Variants in CPNE1 observed in about 807,000 individuals in gnomAD.
CPNE1 encodes the protein copine-1.
In CPNE1, 58 loss-of-function variants were observed where a neutral mutation model predicts 63.2. The observed-to-expected ratio is 0.92, with a 90% confidence interval of 0.74 to 1.14. CPNE1 has a LOEUF of 1.14. Ranked by LOEUF, CPNE1 falls within the 50% of genes most tolerant of loss-of-function variation. The probability of loss-of-function intolerance (pLI) is 0.00; values close to 1 mark genes in which losing one functional copy is unlikely to be tolerated. For synonymous variants in CPNE1, 237 were observed against 249.0 expected (o/e 0.95, Z 0.45); for missense variants, 672 against 661.7 (o/e 1.02, Z -0.17).
At chr20:35,645,335 C>T (rs1235421532) in intron 1 of CPNE1, among the ~76,000 whole-genome samples, 1 of 152,024 alleles carries the variant, frequency 6.6e-6, no homozygotes, top group Non-Finnish European at 1.5e-5. Context: ...AGGAATATTT[C>T]AACAACAGGA....
chr20:35,652,818 A>AGGGCCC, intron 1 of CPNE1: 1 of 1,602,570 alleles, frequency 6.2e-7, no homozygotes, highest in Non-Finnish European at 8.5e-7. Context: ...GGATTGGGCC[A>AGGGCCC]GGGCCGGGGC....
intron 1 of CPNE1, among the ~76,000 whole-genome samples, chr20:35,639,611 C>T (rs968640573): frequency 2.0e-5 from 3 of 152,324 alleles, no homozygotes; most frequent in South Asian, 4.1e-4. Flanking sequence ...GCTGGGATTA[C>T]AGGCATGAGC....
At chr20:35,644,138 C>T (rs1360260855) in intron 1 of CPNE1, among the ~76,000 whole-genome samples, 2 of 152,160 alleles carry the variant, frequency 1.3e-5, no homozygotes, top group Non-Finnish European at 2.9e-5. Flanking sequence ...GTATCCCCTG[C>T]CCGGCACAGA....
chr20:35,648,056 C>T (rs2146327623), intron 1 of CPNE1, among the ~76,000 whole-genome samples: 1 of 144,960 alleles, frequency 6.9e-6, no homozygotes, highest in South Asian at 2.3e-4. Flanking sequence ...CAGATACAGA[C>T]TCCATCTCAA....
intron 1 of CPNE1, among the ~76,000 whole-genome samples, chr20:35,646,701 T>C (rs1031424882): frequency 6.6e-6 from 1 of 152,258 alleles, no homozygotes; most frequent in Admixed American, 6.5e-5. Context: ...ATGGAGGTAA[T>C]GAACCATCAA....
chr20:35,663,024 CCAAT>C (rs2034318939), intron 1 of CPNE1, among the ~76,000 whole-genome samples: 2 of 152,180 alleles, frequency 1.3e-5, no homozygotes, highest in Non-Finnish European at 2.9e-5. Flanking sequence ...AAAAATCTGT[CCAAT>C]AATATATACT....
Position 35,630,890 on chromosome 20 carries a change from C to A in CPNE1, c.995+11G>T. On this transcript the variant is annotated intron_variant, in intron 11 of 15. Coordinates refer to ENST00000397443, the MANE Select transcript of CPNE1 (RefSeq NM_152925.3). ...AGGGAGCGGGTATAGCCCAGAGAAGCAGGTACTCACGAGTCATAGTCCTGA... is the reference window on the plus strand; with the variant it reads ...AGGGAGCGGGTATAGCCCAGAGAAGAAGGTACTCACGAGTCATAGTCCTGA... The A allele has an allele frequency of 1.2e-6, 2 of 1,602,922 alleles. No homozygotes were observed. Among genetic ancestry groups the A allele is most frequent in the Non-Finnish European group, 1.7e-6 (2 of 1,173,840 alleles).
At position 35,664,799 on chromosome 20, in the gene CPNE1, T is replaced by C. The variant is rs781239187; in HGVS notation, c.-40A>G. The C allele has an allele frequency of 6.6e-6, 1 of 152,358 alleles. No individual in the cohort carries two copies. The highest frequency in any genetic ancestry group is 1.5e-5 in the Non-Finnish European group (1 of 68,180). 9.4% of individuals were successfully genotyped at this position (152,358 alleles called of 1,614,324 possible). A position where few individuals can be genotyped will look rare whatever the true frequency, so the allele number is the denominator to read the frequency against. ...CGGCACCAGAACCCAGACCCCGAAT[T>C]ACCCCCCGCGCGAGTGCCTCCGCCC... On this transcript the variant is annotated 5_prime_UTR_variant, in exon 1 of 16. Transcript: ENST00000397443.
At chr20:35,663,696 C>A (rs1244911803) in intron 1 of CPNE1, among the ~76,000 whole-genome samples, 2 of 152,174 alleles carry the variant, frequency 1.3e-5, no homozygotes, top group African/African-American at 4.8e-5. Context: ...GTAACCCTCA[C>A]AAGAGCCCCT....
chr20:35,631,216 G>A, intron 9 of CPNE1, 43 bp from the exon 10 acceptor site: 1 of 1,613,244 alleles, frequency 6.2e-7, no homozygotes, highest in Non-Finnish European at 8.5e-7. Context: ...ATAGCAGTTG[G>A]TGTCATGGAG....
chr20:35,650,529 CTTAACA>C (rs1159933015), intron 1 of CPNE1: 1 of 152,504 alleles, frequency 6.6e-6, no homozygotes, highest in African/African-American at 2.4e-5. Context: ...GAAATGATTA[CTTAACA>C]TTAACTTAAA....
chr20:35,656,635 A>C (rs181349702), intron 1 of CPNE1, among the ~76,000 whole-genome samples: 8 of 152,314 alleles, frequency 5.3e-5, no homozygotes, highest in African/African-American at 1.9e-4. Flanking sequence ...CCCAGGTTCA[A>C]GTAATTCTCC....
chr20:35,652,867 A>G, intron 1 of CPNE1: 1 of 1,612,544 alleles, frequency 6.2e-7, no homozygotes, highest in Non-Finnish European at 8.5e-7. Context: ...TGGCCCACCC[A>G]AATGCCCAGG....
At chr20:35,661,115 AC>A (rs1397008979) in intron 1 of CPNE1, among the ~76,000 whole-genome samples, 3 of 152,144 alleles carry the variant, frequency 2.0e-5, no homozygotes, top group Non-Finnish European at 4.4e-5. Context: ...AGGAATACCC[AC>A]CCCACCCCAT....
intron 6 of CPNE1, 32 bp from the exon 7 acceptor site, chr20:35,631,809 T>G (rs367911146): frequency 7.5e-6 from 12 of 1,589,544 alleles, no homozygotes; most frequent in Non-Finnish European, 1.0e-5. Flanking sequence ...TCCAGTGAGC[T>G]CTGGCATGGC....
chr20:35,627,208 AAG>A, intron 14 of CPNE1, 70 bp downstream of exon 14: 5 of 1,320,742 alleles, frequency 3.8e-6, no homozygotes, highest in South Asian at 1.5e-5. Flanking sequence ...AAAAAAAAAA[AAG>A]TCCTTTGTTC....
intron 1 of CPNE1, among the ~76,000 whole-genome samples, chr20:35,641,254 T>G (rs2032788364): frequency 6.6e-6 from 1 of 152,242 alleles, no homozygotes; most frequent in African/African-American, 2.4e-5. Flanking sequence ...CATATATGGT[T>G]AAGTGAAATG....
intron 1 of CPNE1, among the ~76,000 whole-genome samples, chr20:35,661,575 G>T (rs891746275): frequency 2.0e-5 from 3 of 152,226 alleles, no homozygotes; most frequent in African/African-American, 7.2e-5. Flanking sequence ...CATATTATCA[G>T]GAATTAGTCC....
intron 1 of CPNE1, chr20:35,654,298 T>G: frequency 6.2e-7 from 1 of 1,614,202 alleles, no homozygotes; most frequent in Non-Finnish European, 8.5e-7. Context: ...ATTCCCATTA[T>G]TTCGACCTAC....
Sources: allele counts gnomAD v4.1 joint callset (sites outside exome capture counted in the v4.1 genomes callset), GRCh38; gene constraint gnomAD v4.1.1; transcripts MANE v1.5; gene names NCBI Gene and HGNC (gene_info 2026-07-23, HGNC 2026-07-21).